The following PES1 variants were observed in gnomAD, a reference collection of about 807,000 sequenced individuals.
PES1 encodes pescadillo ribosomal biogenesis factor 1.
In PES1, 31 loss-of-function variants were observed where a neutral mutation model predicts 77.1. The observed-to-expected ratio is 0.40, with a 90% CI of 0.30 to 0.54. The LOEUF is 0.54. PES1 is among the 20% of genes least tolerant of loss of function. The pLI is 0.45. For missense variants in PES1, 658 were observed against 771.7 expected (o/e 0.85, Z 1.75); for synonymous variants, 282 against 303.0 (o/e 0.93, Z 0.72).
At chr22:30,596,974 G>A (rs5997696) in intron 2 of PES1, among the ~76,000 whole-genome samples, 10,601 of 152,142 alleles carry the variant, frequency 0.07, 415 homozygotes, top group African/African-American at 0.09. Flanking sequence ...GGCCGGCCCC[G>A]CTGGCCACGG....
intron 2 of PES1, among the ~76,000 whole-genome samples, chr22:30,602,855 A>G (rs558685304): frequency 1.7e-4 from 26 of 152,260 alleles, no homozygotes; most frequent in Admixed American, 1.1e-3. Flanking sequence ...CATTTGATGA[A>G]ATGTCTTACT....
rs1378577439 is a variant in PES1 at position 30,580,912 on chromosome 22, T to C, written c.912+100A>G. Reference sequence around the variant, plus strand: ...TTCTTCTGCTCAGTTGCTTTGACCATCAAATAACACCTAATTATAGGATGC... The same window carrying C: ...TTCTTCTGCTCAGTTGCTTTGACCACCAAATAACACCTAATTATAGGATGC... On this transcript the variant is annotated intron_variant, in intron 9 of 14. Transcript: ENST00000354694. The C allele has an allele frequency of 1.8e-5, 22 of 1,221,366 alleles. No individual in the cohort carries two copies. In the East Asian group the frequency reaches 5.3e-4, roughly 29 times the overall value. The allele number at this position is 1,221,366 out of a possible 1,614,324, so 75.7% of individuals were successfully genotyped here.
rs759466296 is a variant in PES1, at chr22:30,580,658, G to A, written c.956C>T (p.Ala319Val). 226 of 1,613,514 alleles carry A rather than the reference G, an allele frequency of 1.4e-4. No individual in the cohort carries two copies. The highest frequency in any genetic ancestry group is 2.2e-4 in the Admixed American group (13 of 60,020). Residue 319 changes from alanine (A) to valine (V), a missense_variant, in exon 10 of 15, where the codon GCG becomes GTG. Physicochemically the swap from Ala to Val is moderately conservative, Grantham distance 64. Coordinates refer to ENST00000354694, the MANE Select transcript of PES1 (RefSeq NM_014303.4). ...QEEDRRKELE[A>V]QEKHKKLFEG... Reference sequence around the variant, plus strand: ...AAAAAGCTTCTTGTGCTTCTCCTGCGCCTCCAGCTCCTTCCTGCGGTCTTC... The same window carrying A: ...AAAAAGCTTCTTGTGCTTCTCCTGCACCTCCAGCTCCTTCCTGCGGTCTTC...
chr22:30,592,516 G>A (rs562951051), upstream of PES1: 44 of 708,824 alleles, frequency 6.2e-5, no homozygotes, highest in South Asian at 2.2e-3. Flanking sequence ...TACATTCAAG[G>A]CTGGGAGCGG....
Position 30,587,393 on chromosome 22 carries a change from C to G in PES1, c.261G>C (p.Val87=). The change falls in exon 4 of 15, where the codon GTG becomes GTC. Residue 87 remains valine, a splice_region_variant and synonymous_variant. Coordinates refer to ENST00000354694, the MANE Select transcript of PES1 (RefSeq NM_014303.4). ...AAGCCTTCCGGAGCTTCCGGACGAA[C>G]ACCTGGAAGAAAGAAAGAAAACACC... is the stretch of plus-strand genomic sequence containing the variant. ...PIVNKFREYK[V]FVRKLRKAYG... is the part of the protein sequence containing the mutation. 6.2e-7 allele frequency: 1 copy of G among 1,612,080 alleles called. No individual in the cohort carries two copies. The highest frequency in any genetic ancestry group is 8.5e-7 in the Non-Finnish European group (1 of 1,178,254).
At chr22:30,588,455 G>C (rs2087126480) in intron 2 of PES1, among the ~76,000 whole-genome samples, 1 of 152,200 alleles carries the variant, frequency 6.6e-6, no homozygotes, top group African/African-American at 2.4e-5. Flanking sequence ...CAGAAGGCTG[G>C]AAACAGCTGG....
At position 30,579,742 on chromosome 22, in the gene PES1, C is replaced by A. The variant is rs373931355; in HGVS notation, c.1354+9G>T. On this transcript the variant is annotated intron_variant, in intron 12 of 14. Coordinates refer to ENST00000354694, the MANE Select transcript of PES1 (RefSeq NM_014303.4). The stretch of plus-strand genomic sequence containing the variant: ...GGGGTCAAGGCCAGCCCAGTCCCAT[C>A]CCGCTCACCTGGGTCCTCTCCCCGC... 6.1e-5 allele frequency: 99 copies of A among 1,613,112 alleles called. No individual in the cohort carries two copies. Among genetic ancestry groups the A allele is most frequent in the Non-Finnish European group, 8.3e-5 (98 of 1,179,726 alleles).
chr22:30,594,258 G>A (rs1479637705), upstream of PES1, among the ~76,000 whole-genome samples: 1 of 152,108 alleles, frequency 6.6e-6, no homozygotes, highest in Admixed American at 6.5e-5. Flanking sequence ...GGTGACACAC[G>A]CCTGTAATCC....
At chr22:30,597,539 A>G (rs1212250835) in intron 2 of PES1, among the ~76,000 whole-genome samples, 3 of 151,076 alleles carry the variant, frequency 2.0e-5, no homozygotes, top group Non-Finnish European at 4.4e-5. Flanking sequence ...AGGGATAGTG[A>G]ATACACCAAT....
intron 6 of PES1, among the ~76,000 whole-genome samples, chr22:30,583,336 C>T (rs982215393): frequency 2.6e-5 from 4 of 152,218 alleles, no homozygotes; most frequent in Non-Finnish European, 4.4e-5. Flanking sequence ...CTTGCAACCC[C>T]ACCCACAAGG....
chr22:30,602,557 T>C (rs920390202), intron 2 of PES1, among the ~76,000 whole-genome samples: 2 of 152,082 alleles, frequency 1.3e-5, no homozygotes, highest in Admixed American at 1.3e-4. Context: ...TTTTTTTCTT[T>C]TCTTTTGATA....
chr22:30,584,823 T>G (rs561957130), intron 4 of PES1, 106 bp from the exon 5 acceptor site: 1 of 1,148,292 alleles, frequency 8.7e-7, no homozygotes, highest in African/African-American at 1.5e-5. Flanking sequence ...AAGCCAGGCC[T>G]CACCACTGCC....
intron 2 of PES1, among the ~76,000 whole-genome samples, chr22:30,597,757 A>G (rs991580302): frequency 2.0e-5 from 3 of 152,030 alleles, no homozygotes; most frequent in African/African-American, 7.3e-5. Flanking sequence ...AAACAGACCA[A>G]TCCGTTCTCT....
upstream of PES1, chr22:30,592,147 T>C (rs749654051): frequency 8.5e-7 from 1 of 1,174,130 alleles, no homozygotes; most frequent in African/African-American, 1.6e-5. Context: ...TGACGATTCA[T>C]TGACTGTGAG....
At chr22:30,606,751 C>T in intron 1 of PES1, 1 of 782,218 alleles carries the variant, frequency 1.3e-6, no homozygotes, top group Non-Finnish European at 1.6e-6. Flanking sequence ...CAATCCCCTC[C>T]CGCCACAACT....
chr22:30,580,746 C>G (rs765725755), intron 9 of PES1, 45 bp from the exon 10 acceptor site: 1 of 1,609,776 alleles, frequency 6.2e-7, no homozygotes, highest in Non-Finnish European at 8.5e-7. Flanking sequence ...GGCTGCCCAC[C>G]CCCACTGGAG....
At chr22:30,600,177 T>TA (rs199513547) in intron 2 of PES1, among the ~76,000 whole-genome samples, 12 of 151,796 alleles carry the variant, frequency 7.9e-5, no homozygotes, top group African/African-American at 2.9e-4. Context: ...TACTAAAACA[T>TA]AAAAAAATTA....
rs1252298252 is a variant in PES1 at position 30,584,702 on chromosome 22, G to A, written c.384C>T (p.Ile128=). 93 of 1,613,588 alleles carry A rather than the reference G, an allele frequency of 5.8e-5. No homozygotes were observed. The highest frequency in any genetic ancestry group is 7.6e-5 in the Non-Finnish European group (90 of 1,180,022). Residue 128 remains isoleucine (I), a synonymous_variant, in exon 5 of 15, where the codon ATC becomes ATT. Transcript: ENST00000354694. The part of the protein sequence containing the change: ...HIIKERYPTF[I]DALRDLDDAL... The stretch of plus-strand genomic sequence containing the variant: ...CATCGTCCAGGTCCCGCAGGGCATC[G>A]ATGAACGTGGGATACCTGCATGGCC...
chr22:30,581,523 C>A lies in PES1; in HGVS notation c.747+5G>T, dbSNP rs773488607. The A allele has an allele frequency of 2.5e-6, 4 of 1,612,276 alleles. No individual in the cohort carries two copies. Among genetic ancestry groups the A allele is most frequent in the Non-Finnish European group, 3.4e-6 (4 of 1,178,612 alleles). On this transcript the variant is annotated splice_donor_5th_base_variant and intron_variant, in intron 7 of 14. Coordinates refer to ENST00000354694, the MANE Select transcript of PES1 (RefSeq NM_014303.4). Reference sequence around the variant, plus strand: ...CGAGCAGAAGGCACTGGGCTGGGGTCCTACCTTCGGGGGATAGTGGAGGTT... The same window carrying A: ...CGAGCAGAAGGCACTGGGCTGGGGTACTACCTTCGGGGGATAGTGGAGGTT...
Sources: allele counts gnomAD v4.1 joint callset (sites outside exome capture counted in the v4.1 genomes callset), GRCh38; gene constraint gnomAD v4.1.1; transcripts MANE v1.5; gene names NCBI Gene and HGNC (gene_info 2026-07-23, HGNC 2026-07-21).